CSMD1: variants seen among roughly 807,000 people sequenced by gnomAD.
CSMD1 encodes the protein CUB and sushi domain-containing protein 1.
A neutral mutation model predicts 417.5 loss-of-function variants in CSMD1; 213 were observed. The observed-to-expected ratio is 0.51, with a 90% CI of 0.46 to 0.57. CSMD1 has a LOEUF of 0.57. CSMD1 is among the 20% of genes least tolerant of loss of function. CSMD1 has a pLI of 0.00. For missense variants in CSMD1, 6,923 were observed against 4,529.7 expected (o/e 1.53, Z -15.17); for synonymous variants, 2,862 against 1,736.8 (o/e 1.65, Z -16.11).
At chr8:4,975,724 A>C (rs970145662) in intron 1 of CSMD1, among the ~76,000 whole-genome samples, 1 of 152,176 alleles carries the variant, frequency 6.6e-6, no homozygotes, top group African/African-American at 2.4e-5. Context: ...GTTTCATCTG[A>C]TGTGCTGAGA....
chr8:4,678,208 C>T (rs764075110), intron 1 of CSMD1, among the ~76,000 whole-genome samples: 4 of 129,386 alleles, frequency 3.1e-5, no homozygotes, highest in East Asian at 2.3e-4. Flanking sequence ...GCCGGGAGTT[C>T]GAGGTCAGCC....
chr8:4,649,986 T>C (rs924982005), intron 1 of CSMD1, among the ~76,000 whole-genome samples: 1 of 152,210 alleles, frequency 6.6e-6, no homozygotes, highest in Non-Finnish European at 1.5e-5. Context: ...GCCTTGAACA[T>C]AAGACTGTCG....
At chr8:3,116,943 G>C (rs1480968234) in intron 42 of CSMD1, among the ~76,000 whole-genome samples, 2 of 151,798 alleles carry the variant, frequency 1.3e-5, no homozygotes, top group Non-Finnish European at 2.9e-5. Flanking sequence ...GCCCAGATAG[G>C]TTACTGCTAT....
intron 1 of CSMD1, among the ~76,000 whole-genome samples, chr8:4,655,944 C>G (rs936244355): frequency 1.3e-5 from 2 of 152,124 alleles, no homozygotes; most frequent in Non-Finnish European, 2.9e-5. Context: ...AGACACAGAT[C>G]TGTGCTCCCT....
chr8:3,738,419 C>A (rs1190228966), intron 6 of CSMD1, among the ~76,000 whole-genome samples: 1 of 152,158 alleles, frequency 6.6e-6, no homozygotes, highest in Non-Finnish European at 1.5e-5. Context: ...GTTGTCACAC[C>A]TTTTATTTAT....
chr8:4,031,158 A>G (rs1797324441), intron 4 of CSMD1, among the ~76,000 whole-genome samples: 1 of 152,198 alleles, frequency 6.6e-6, no homozygotes, highest in Non-Finnish European at 1.5e-5. Flanking sequence ...TCCAGTTCCA[A>G]AGTCGCTTCC....
In CSMD1 at chr8:3,817,252, C is replaced by CTTTTTTTTTTTTTTTTTT. The variant is rs767668610; in HGVS notation, c.819-63228_819-63211dup. 1.7e-4 allele frequency among the ~76,000 whole-genome samples: 9 copies of CTTTTTTTTTTTTTTTTTT among 54,420 alleles called. 2 individuals are homozygous for CTTTTTTTTTTTTTTTTTT. The highest frequency in any genetic ancestry group is 2.1e-4 in the Non-Finnish European group (6 of 29,154). 35.7% of individuals were successfully genotyped at this position (54,420 alleles called of 152,430 possible). ...TCCAAAGTGGTCATATCTTCTTCTT[C>CTTTTTTTTTTTTTTTTTT]TTTTTTTTTTTTTTTTTTTTTTTTT... is the stretch of plus-strand genomic sequence containing the variant. On this transcript the variant is annotated intron_variant, in intron 5 of 69. Coordinates refer to ENST00000635120, the MANE Select transcript of CSMD1 (RefSeq NM_033225.6).
chr8:4,756,073 G>C (rs1188965136), intron 1 of CSMD1, among the ~76,000 whole-genome samples: 1 of 152,132 alleles, frequency 6.6e-6, no homozygotes, highest in South Asian at 2.1e-4. Context: ...TTAAAACAAA[G>C]ACCTTTATTC....
intron 11 of CSMD1, among the ~76,000 whole-genome samples, chr8:3,479,538 C>T (rs375493854): frequency 1.3e-5 from 2 of 152,210 alleles, no homozygotes; most frequent in African/African-American, 4.8e-5. Flanking sequence ...CCTCGGCCCC[C>T]CAAAGTGCTG....
intron 12 of CSMD1, among the ~76,000 whole-genome samples, chr8:3,459,942 C>G (rs752686420): frequency 3.3e-5 from 5 of 152,140 alleles, no homozygotes; most frequent in African/African-American, 7.2e-5. Context: ...CTACAAAAAT[C>G]TAAACAGTCC....
At chr8:3,642,508 A>G (rs1797357716) in intron 7 of CSMD1, among the ~76,000 whole-genome samples, 1 of 152,180 alleles carries the variant, frequency 6.6e-6, no homozygotes, top group Non-Finnish European at 1.5e-5. Context: ...CTGGAGAAAA[A>G]CTGCCTTTAT....
intron 4 of CSMD1, among the ~76,000 whole-genome samples, chr8:4,031,569 A>T (rs530082986): frequency 6.6e-6 from 1 of 152,162 alleles, no homozygotes; most frequent in Non-Finnish European, 1.5e-5. Context: ...TTGGGTGAGG[A>T]CAGAGCTAAA....
intron 3 of CSMD1, among the ~76,000 whole-genome samples, chr8:4,319,786 A>C (rs1799162371): frequency 6.6e-6 from 1 of 152,102 alleles, no homozygotes; most frequent in African/African-American, 2.4e-5. Flanking sequence ...TACCAGAGAG[A>C]GAAGAGAGCT....
At chr8:4,285,954 T>C (rs756369203) in intron 3 of CSMD1, among the ~76,000 whole-genome samples, 6 of 152,170 alleles carry the variant, frequency 3.9e-5, no homozygotes, top group Non-Finnish European at 8.8e-5. Flanking sequence ...ATATCCGCAA[T>C]GCTATAATTA....
At chr8:3,023,996 G>C (rs538412424) in intron 51 of CSMD1, among the ~76,000 whole-genome samples, 1 of 152,232 alleles carries the variant, frequency 6.6e-6, no homozygotes, top group African/African-American at 2.4e-5. Context: ...AGCTAGCACA[G>C]TGTGGAAAAT....
At chr8:4,378,700 A>G (rs985494934) in intron 3 of CSMD1, among the ~76,000 whole-genome samples, 14 of 152,192 alleles carry the variant, frequency 9.2e-5, no homozygotes, top group African/African-American at 3.1e-4. Context: ...GTTGAAACCT[A>G]ATATTCAGTG....
intron 1 of CSMD1, among the ~76,000 whole-genome samples, chr8:4,723,288 G>C (rs981544493): frequency 6.6e-6 from 1 of 152,078 alleles, no homozygotes; most frequent in African/African-American, 2.4e-5. Context: ...GGCTAACTGG[G>C]AATCATCCAA....
intron 5 of CSMD1, among the ~76,000 whole-genome samples, chr8:3,901,140 A>T (rs896114464): frequency 1.3e-5 from 2 of 152,170 alleles, no homozygotes; most frequent in Non-Finnish European, 2.9e-5. Flanking sequence ...GAATGTACTG[A>T]TAACCGTGGA....
intron 4 of CSMD1, among the ~76,000 whole-genome samples, chr8:4,012,546 TGGCA>T (rs1001402977): frequency 6.6e-6 from 1 of 152,168 alleles, no homozygotes; most frequent in African/African-American, 2.4e-5. Flanking sequence ...TCACAGCACC[TGGCA>T]GGTAGTTATT....
Sources: allele counts gnomAD v4.1 joint callset (sites outside exome capture counted in the v4.1 genomes callset), GRCh38; gene constraint gnomAD v4.1.1; transcripts MANE v1.5; gene names NCBI Gene and HGNC (gene_info 2026-07-23, HGNC 2026-07-21).